The following MGST2 variants were observed in gnomAD, a reference collection of about 807,000 sequenced individuals.
The protein encoded by MGST2 is microsomal glutathione S-transferase 2.
A neutral mutation model predicts 16.6 loss-of-function variants in MGST2; 9 were observed. The observed-to-expected ratio is 0.54, with a 90% CI of 0.33 to 0.95. MGST2 has a LOEUF of 0.95. Among genes scored for constraint, MGST2 ranks in the 40% least tolerant of loss-of-function variants. MGST2 has a pLI of 0.03. For synonymous variants in MGST2, 79 were observed against 68.0 expected (o/e 1.16, Z -0.79); for missense variants, 159 against 175.1 (o/e 0.91, Z 0.52).
At chr4:139,738,718 A>G (rs989914990) in intron 5 of MGST2, among the ~76,000 whole-genome samples, 1 of 148,654 alleles carries the variant, frequency 6.7e-6, no homozygotes, top group Non-Finnish European at 1.5e-5. Flanking sequence ...AGGTACAGAG[A>G]AAAAAAAATG....
intron 2 of MGST2, among the ~76,000 whole-genome samples, chr4:139,691,458 C>T (rs1311628211): frequency 1.3e-5 from 2 of 152,032 alleles, no homozygotes; most frequent in African/African-American, 4.8e-5. Flanking sequence ...TTACTGAGGA[C>T]GTGTTATTGT....
chr4:139,741,354 C>A (rs181505234), downstream of MGST2, among the ~76,000 whole-genome samples: 1 of 152,156 alleles, frequency 6.6e-6, no homozygotes, highest in East Asian at 1.9e-4. Context: ...CCACAAGAAC[C>A]TTGAGTTTAG....
downstream of MGST2, among the ~76,000 whole-genome samples, chr4:139,741,703 T>A (rs947915569): frequency 1.3e-5 from 2 of 152,338 alleles, no homozygotes; most frequent in African/African-American, 4.8e-5. Context: ...GCTGTGATTG[T>A]GCCACTGCAC....
At position 139,703,502 on chromosome 4, in the gene MGST2, T is replaced by C. The variant is rs116372322; in HGVS notation, c.277T>C (p.Tyr93His). Residue 93 changes from tyrosine to histidine, a missense_variant, in exon 4 of 5, where the codon TAC becomes CAC. By Grantham distance (83) the Tyr-to-His change is moderately conservative. Transcript: ENST00000265498. ...GLVYIYGRHL[Y>H]FWGYSEAAKK... Reference sequence around the variant, plus strand: ...GGTGTACATATATGGCCGTCACCTATACTTCTGGGGATATTCAGAAGCTGC... The same window carrying C: ...GGTGTACATATATGGCCGTCACCTACACTTCTGGGGATATTCAGAAGCTGC... The C allele has an allele frequency of 8.3e-3, 13,466 of 1,614,028 alleles. 108 individuals are homozygous for C. Among genetic ancestry groups the C allele is most frequent in the South Asian group, 0.019 (1,696 of 91,074 alleles).
At chr4:139,669,012 G>T (rs188832134) in intron 1 of MGST2, among the ~76,000 whole-genome samples, 1 of 152,164 alleles carries the variant, frequency 6.6e-6, no homozygotes, top group Non-Finnish European at 1.5e-5. Context: ...CTGTGAAATG[G>T]CAGGGGGCTT....
At chr4:139,695,889 A>G (rs772990603) in intron 3 of MGST2, among the ~76,000 whole-genome samples, 3 of 152,052 alleles carry the variant, frequency 2.0e-5, no homozygotes, top group Middle Eastern at 3.2e-3. Context: ...CCCCCGCCCC[A>G]CACACACACA....
chr4:139,676,367 CACACAT>C (rs1040209793), intron 1 of MGST2, among the ~76,000 whole-genome samples: 10 of 152,166 alleles, frequency 6.6e-5, no homozygotes, highest in African/African-American at 2.4e-4. Context: ...TACACACACT[CACACAT>C]AGACACACAC....
At chr4:139,738,845 C>T (rs1290042072) in intron 5 of MGST2, among the ~76,000 whole-genome samples, 1 of 152,134 alleles carries the variant, frequency 6.6e-6, no homozygotes, top group East Asian at 1.9e-4. Context: ...CTAGTTTTAT[C>T]CCAGATGCAA....
intron 5 of MGST2, among the ~76,000 whole-genome samples, chr4:139,737,793 G>A (rs559586594): frequency 6.6e-6 from 1 of 152,150 alleles, no homozygotes; most frequent in Non-Finnish European, 1.5e-5. Context: ...TTGGAGAGGT[G>A]TTTACAATAA....
intron 1 of MGST2, among the ~76,000 whole-genome samples, chr4:139,666,288 T>C (rs4147586): frequency 0.051 from 7,681 of 152,014 alleles, 211 homozygotes; most frequent in East Asian, 0.085. Flanking sequence ...AAGCAGAGAC[T>C]GAGAACATTC....
intron 5 of MGST2, chr4:139,719,077 G>A (rs1728112894): frequency 8.3e-6 from 4 of 480,272 alleles, no homozygotes; most frequent in African/African-American, 3.9e-5. Context: ...GCTCCTCCGG[G>A]TGTCTCCCTC....
At chr4:139,703,846 A>T (rs778980188) in intron 4 of MGST2, among the ~76,000 whole-genome samples, 170 bp from the exon 5 acceptor site, 2 of 152,252 alleles carry the variant, frequency 1.3e-5, no homozygotes, top group African/African-American at 4.8e-5. Flanking sequence ...AAACCAAGTG[A>T]TCTCTATGGC....
chr4:139,733,955 A>T (rs1728825481), intron 5 of MGST2, among the ~76,000 whole-genome samples: 1 of 152,144 alleles, frequency 6.6e-6, no homozygotes, highest in Non-Finnish European at 1.5e-5. Flanking sequence ...GCCTCCCAAA[A>T]TGTTGGGATT....
downstream of MGST2, among the ~76,000 whole-genome samples, chr4:139,708,735 G>T (rs1727616221): frequency 6.6e-6 from 1 of 152,102 alleles, no homozygotes; most frequent in Non-Finnish European, 1.5e-5. Context: ...AGGCGCGGTG[G>T]CTCACGCCTG....
intron 3 of MGST2, among the ~76,000 whole-genome samples, chr4:139,697,045 C>A (rs1402060556): frequency 6.6e-6 from 1 of 152,104 alleles, no homozygotes; most frequent in African/African-American, 2.4e-5. Context: ...CCCGTCCTGA[C>A]TTCAGGGACA....
At chr4:139,752,348 C>T in the MGST2 span, among the ~76,000 whole-genome samples, 1 of 152,152 alleles carries the variant, frequency 6.6e-6, no homozygotes, top group African/African-American at 2.4e-5. Flanking sequence ...GTTGCATGGG[C>T]GCAGGCCTGG....
chr4:139,669,701 TTCACTGAACG>T (rs1228306960), intron 1 of MGST2, among the ~76,000 whole-genome samples: 1 of 152,170 alleles, frequency 6.6e-6, no homozygotes, highest in African/African-American at 2.4e-5. Flanking sequence ...CCTCTGAAGG[TTCACTGAACG>T]TCAACTGACA....
chr4:139,707,409 C>T (rs1217211104), downstream of MGST2, among the ~76,000 whole-genome samples: 21 of 148,268 alleles, frequency 1.4e-4, no homozygotes, highest in South Asian at 4.4e-4. Context: ...GCATAGTATT[C>T]CATGGTGTAT....
At chr4:139,700,225 G>A (rs1433492348) in intron 3 of MGST2, among the ~76,000 whole-genome samples, 4 of 141,828 alleles carry the variant, frequency 2.8e-5, no homozygotes, top group South Asian at 2.4e-4. Flanking sequence ...TCCGCCTCCC[G>A]GGTTCACGCC....
Sources: gnomAD v4.1 joint callset for allele counts (sites outside exome capture counted in the v4.1 genomes callset) on GRCh38, gnomAD v4.1.1 for gene constraint, MANE v1.5 for transcripts, NCBI Gene and HGNC (gene_info 2026-07-23, HGNC 2026-07-21) for gene names.